The following CSMD1 variants were observed in gnomAD, a reference collection of about 807,000 sequenced individuals.
The protein encoded by CSMD1 is CUB and sushi domain-containing protein 1.
A neutral mutation model predicts 417.5 loss-of-function variants in CSMD1; 213 were observed. The ratio of observed to expected loss-of-function variants is 0.51; its 90% CI spans 0.46 to 0.57. CSMD1 has a LOEUF of 0.57. Among genes scored for constraint, CSMD1 ranks in the 20% least tolerant of loss-of-function variants. CSMD1 has a pLI of 0.00. For synonymous variants in CSMD1, 2,862 were observed against 1,736.8 expected, an observed-to-expected ratio of 1.65 and a Z score of -16.11; for missense variants, 6,923 against 4,529.7, an observed-to-expected ratio of 1.53 and a Z score of -15.17.
At position 3,284,442 on chromosome 8, in the gene CSMD1, A is replaced by G. The variant is rs928184970; in HGVS notation, c.3951-96T>C. ...AGCAAGCTCATTTCGCTTTCACACAACCCCCACCAACATGTGCCTCGGTAC... is the reference window on the plus strand; with the variant it reads ...AGCAAGCTCATTTCGCTTTCACACAGCCCCCACCAACATGTGCCTCGGTAC... On this transcript the variant is annotated intron_variant, in intron 25 of 69. Coordinates refer to ENST00000635120, the MANE Select transcript of CSMD1 (RefSeq NM_033225.6). The G allele has an allele frequency of 4.3e-5, 36 of 844,484 alleles. No individual in the cohort carries two copies. In the South Asian group the frequency reaches 5.0e-4, roughly 12 times the overall value. 52.3% of individuals were successfully genotyped at this position (844,484 alleles called of 1,614,324 possible).
intron 3 of CSMD1, among the ~76,000 whole-genome samples, chr8:4,121,733 G>A (rs879536683): frequency 8.6e-5 from 13 of 151,726 alleles, no homozygotes; most frequent in Non-Finnish European, 1.8e-4. Flanking sequence ...AATTATGGCA[G>A]CAAGGATAAA....
intron 1 of CSMD1, among the ~76,000 whole-genome samples, chr8:4,716,273 C>T (rs184717015): frequency 4.0e-4 from 61 of 152,304 alleles, no homozygotes; most frequent in African/African-American, 1.4e-3. Flanking sequence ...AGCTCTTCAT[C>T]CATCTCCCTC....
At chr8:4,881,355 G>C (rs1413686855) in intron 1 of CSMD1, among the ~76,000 whole-genome samples, 1 of 151,832 alleles carries the variant, frequency 6.6e-6, no homozygotes, top group Non-Finnish European at 1.5e-5. Flanking sequence ...TGGTTACACA[G>C]TAACTATTTT....
intron 26 of CSMD1, among the ~76,000 whole-genome samples, chr8:3,248,775 C>G (rs1800064477): frequency 6.6e-6 from 1 of 152,000 alleles, no homozygotes; most frequent in Non-Finnish European, 1.5e-5. Flanking sequence ...CAAACGTGTC[C>G]ATAGCTAGGG....
In CSMD1 at chr8:3,230,228, G is replaced by A; in HGVS notation, c.4157C>T (p.Ser1386Leu). Residue 1386 changes from serine (S) to leucine (L), a missense_variant, in exon 27 of 70, where the codon TCA (serine) becomes TTA (leucine). Physicochemically the swap from Ser to Leu is moderately radical, Grantham distance 145 (BLOSUM62 -2). Transcript: ENST00000635120. ...TGGATCGTTACAGGTGGCTGCAATT[G>A]AGGCTGCAAACAAAAGAGAAGGCAA... ...KSGFSIQFST[S>L]IAATCNDPGM... The A allele has an allele frequency of 6.3e-7, 1 of 1,575,918 alleles. No homozygotes were observed. Among genetic ancestry groups the A allele is most frequent in the Non-Finnish European group, 8.6e-7 (1 of 1,159,668 alleles).
At chr8:4,454,076 C>A (rs936200156) in intron 2 of CSMD1, among the ~76,000 whole-genome samples, 5 of 152,088 alleles carry the variant, frequency 3.3e-5, no homozygotes, top group African/African-American at 1.2e-4. Flanking sequence ...CCCGCCTCGG[C>A]CTCCCTAAGT....
At chr8:3,308,011 C>G (rs1316558871) in intron 24 of CSMD1, among the ~76,000 whole-genome samples, 190 bp from the exon 25 acceptor site, 4 of 152,018 alleles carry the variant, frequency 2.6e-5, no homozygotes, top group Non-Finnish European at 5.9e-5. Context: ...TCTTTATCCT[C>G]CATGCAATTA....
intron 10 of CSMD1, among the ~76,000 whole-genome samples, chr8:3,552,846 T>A (rs1441129075): frequency 6.6e-6 from 1 of 152,134 alleles, no homozygotes; most frequent in East Asian, 1.9e-4. Context: ...TTCTTTTAAA[T>A]TAAGTTATAA....
intron 3 of CSMD1, among the ~76,000 whole-genome samples, chr8:4,127,108 G>A (rs1802809988): frequency 6.6e-6 from 1 of 151,872 alleles, no homozygotes; most frequent in Non-Finnish European, 1.5e-5. Flanking sequence ...CTAGTTATCT[G>A]ATTCACCCAG....
chr8:4,047,926 G>A (rs766567871), intron 3 of CSMD1, among the ~76,000 whole-genome samples: 1 of 152,058 alleles, frequency 6.6e-6, no homozygotes, highest in African/African-American at 2.4e-5. Flanking sequence ...TAAAAATTAG[G>A]ATTGTTTTCC....
chr8:4,365,562 C>T (rs1024577977), intron 3 of CSMD1, among the ~76,000 whole-genome samples: 9 of 152,120 alleles, frequency 5.9e-5, no homozygotes, highest in Admixed American at 3.9e-4. Flanking sequence ...ATGATTGTGC[C>T]TCTTATTGAT....
chr8:3,779,266 G>C (rs2623660), intron 5 of CSMD1, among the ~76,000 whole-genome samples: 1 of 151,504 alleles, frequency 6.6e-6, no homozygotes, highest in South Asian at 2.1e-4. Flanking sequence ...GGTATTATCT[G>C]TTTGCTTGAG....
rs559769505 is a variant in CSMD1 at position 3,163,220 on chromosome 8, T to C, written c.5726-943A>G. Among the ~76,000 whole-genome samples the C allele has an allele frequency of 5.9e-5, 9 of 152,320 alleles. No individual in the cohort carries two copies. In the South Asian group the frequency reaches 1.9e-3, roughly 32 times the overall value. On this transcript the variant is annotated intron_variant, in intron 37 of 69. Coordinates refer to ENST00000635120, the MANE Select transcript of CSMD1 (RefSeq NM_033225.6). ...AATAATTTATTCCATTATTCTAACATGTCATGAAGAAATAGTGGAGAAAGG... is the reference window on the plus strand; with the variant it reads ...AATAATTTATTCCATTATTCTAACACGTCATGAAGAAATAGTGGAGAAAGG...
intron 10 of CSMD1, among the ~76,000 whole-genome samples, chr8:3,552,889 T>C (rs1646400666): frequency 6.6e-6 from 1 of 152,202 alleles, no homozygotes; most frequent in Admixed American, 6.5e-5. Flanking sequence ...AAGTAAATTC[T>C]TCCACTTTCT....
chr8:3,794,711 G>C (rs1422003901), intron 5 of CSMD1, among the ~76,000 whole-genome samples: 2 of 151,890 alleles, frequency 1.3e-5, no homozygotes, highest in African/African-American at 4.8e-5. Context: ...TGTAAACCTA[G>C]CAAAACTCCT....
intron 2 of CSMD1, among the ~76,000 whole-genome samples, chr8:4,529,885 T>A (rs537099076): frequency 0.01 from 1,465 of 142,748 alleles, 21 homozygotes; most frequent in African/African-American, 0.026. Context: ...TTTTTTTTTT[T>A]AAATTTATTT....
At chr8:3,959,644 C>T (rs764332354) in intron 5 of CSMD1, among the ~76,000 whole-genome samples, 5 of 152,170 alleles carry the variant, frequency 3.3e-5, no homozygotes, top group Admixed American at 6.5e-5. Flanking sequence ...TATGTTTTTG[C>T]CATGCTTTCT....
intron 1 of CSMD1, among the ~76,000 whole-genome samples, chr8:4,698,152 G>C (rs1162852293): frequency 2.3e-5 from 3 of 131,598 alleles, no homozygotes; most frequent in African/African-American, 8.3e-5. Context: ...TTTTTTTTTT[G>C]GAATTGAACA....
chr8:4,273,142 A>G (rs1207235380), intron 3 of CSMD1, among the ~76,000 whole-genome samples: 1 of 152,140 alleles, frequency 6.6e-6, no homozygotes, highest in Non-Finnish European at 1.5e-5. Context: ...GAAAATTACC[A>G]TTTACTCTTA....
Sources: gnomAD v4.1 joint callset for allele counts (sites outside exome capture counted in the v4.1 genomes callset) on GRCh38, gnomAD v4.1.1 for gene constraint, MANE v1.5 for transcripts, NCBI Gene and HGNC (gene_info 2026-07-23, HGNC 2026-07-21) for gene names.